Variants in TMEM178B observed in about 807,000 individuals in gnomAD.
TMEM178B encodes transmembrane protein 178B.
A neutral mutation model predicts 31.0 loss-of-function variants in TMEM178B; 5 were observed. The observed-to-expected ratio is 0.16, with a 90% CI of 0.08 to 0.34. TMEM178B has a LOEUF of 0.34. Ranked by LOEUF, TMEM178B falls within the 10% of genes least tolerant of loss-of-function variation. The probability of loss-of-function intolerance (pLI) is 1.00; values close to 1 mark genes in which losing one functional copy is unlikely to be tolerated. For synonymous variants in TMEM178B, 164 were observed against 164.0 expected (o/e 1.00, Z 0.00); for missense variants, 275 against 400.3 (o/e 0.69, Z 2.67).
At chr7:141,160,527 C>T (rs374469523) in intron 1 of TMEM178B, among the ~76,000 whole-genome samples, 77 of 152,178 alleles carry the variant, frequency 5.1e-4, no homozygotes, top group African/African-American at 1.8e-3. Flanking sequence ...GGATGGATCA[C>T]GTTGCTCTCT....
chr7:141,277,375 A>G (rs1179000292), intron 2 of TMEM178B, among the ~76,000 whole-genome samples: 1 of 152,052 alleles, frequency 6.6e-6, no homozygotes, highest in Non-Finnish European at 1.5e-5. Flanking sequence ...CTAGGCCTGC[A>G]TAGGGTTGGG....
Position 141,163,470 on chromosome 7 carries a change from G to A in TMEM178B, c.383-49121G>A, listed in dbSNP as rs370586339. On this transcript the variant is annotated intron_variant, in intron 1 of 3. Coordinates refer to ENST00000565468, the MANE Select transcript of TMEM178B (RefSeq NM_001195278.2). Reference sequence around the variant, plus strand: ...AGGGTGAAGAATTGGGATCATTAATGCAGTCTACCACAGATTGGTATTCTC... The same window carrying A: ...AGGGTGAAGAATTGGGATCATTAATACAGTCTACCACAGATTGGTATTCTC... 1.3e-4 allele frequency among the ~76,000 whole-genome samples: 20 copies of A among 152,166 alleles called. 2 individuals are homozygous for A. The highest frequency in any genetic ancestry group is 7.7e-4 in the East Asian group (4 of 5,182).
chr7:141,341,573 G>C (rs971574818), intron 2 of TMEM178B, among the ~76,000 whole-genome samples: 11 of 152,144 alleles, frequency 7.2e-5, no homozygotes, highest in Admixed American at 2.6e-4. Flanking sequence ...TCTAAACCAC[G>C]GACCGACCAT....
chr7:141,080,190 A>C (rs370963027), intron 1 of TMEM178B, among the ~76,000 whole-genome samples: 1 of 152,250 alleles, frequency 6.6e-6, no homozygotes, highest in Non-Finnish European at 1.5e-5. Context: ...GCTGTGGTAG[A>C]TGCTGAAATT....
chr7:141,203,191 C>G (rs956575376), intron 1 of TMEM178B, among the ~76,000 whole-genome samples: 1 of 152,196 alleles, frequency 6.6e-6, no homozygotes, highest in Non-Finnish European at 1.5e-5. Context: ...GGAGACGAAG[C>G]CTGAGCCTTA....
intron 1 of TMEM178B, among the ~76,000 whole-genome samples, chr7:141,204,901 G>A (rs1304950963): frequency 1.3e-5 from 2 of 152,130 alleles, no homozygotes; most frequent in African/African-American, 2.4e-5. Context: ...GCTCACTGAA[G>A]CCTCAAACTC....
chr7:141,253,114 C>T (rs1797861921), intron 2 of TMEM178B, among the ~76,000 whole-genome samples: 1 of 152,268 alleles, frequency 6.6e-6, no homozygotes. Flanking sequence ...GCCTCTCTTC[C>T]ACAGTTTTGG....
chr7:141,217,580 C>T (rs1797177805), intron 2 of TMEM178B, among the ~76,000 whole-genome samples: 1 of 151,800 alleles, frequency 6.6e-6, no homozygotes, highest in Non-Finnish European at 1.5e-5. Context: ...ATTAGCTTTA[C>T]TTCAGCCTGG....
At chr7:141,445,148 G>T (rs1291618129) in intron 3 of TMEM178B, among the ~76,000 whole-genome samples, 1 of 152,182 alleles carries the variant, frequency 6.6e-6, no homozygotes, top group African/African-American at 2.4e-5. Flanking sequence ...ATGTGTGAGT[G>T]ATTGCAGTGA....
At chr7:141,505,374 T>C in the TMEM178B span, among the ~76,000 whole-genome samples, 1 of 152,230 alleles carries the variant, frequency 6.6e-6, no homozygotes, top group Non-Finnish European at 1.5e-5. Flanking sequence ...TTATTTTAAT[T>C]GTAGGTCAGT....
At chr7:141,389,845 G>A (rs1159675104) in intron 2 of TMEM178B, among the ~76,000 whole-genome samples, 2 of 152,164 alleles carry the variant, frequency 1.3e-5, no homozygotes, top group Non-Finnish European at 2.9e-5. Flanking sequence ...TAGTGACCCC[G>A]GTCTTTCAGA....
intron 1 of TMEM178B, among the ~76,000 whole-genome samples, chr7:141,082,753 C>CA (rs1334984202): frequency 6.6e-6 from 1 of 152,214 alleles, no homozygotes; most frequent in Non-Finnish European, 1.5e-5. Context: ...AGGGAGCTTA[C>CA]ACTCCAGCTC....
rs1252246389 is a variant in TMEM178B at position 141,140,349 on chromosome 7, TTTAAA to T, written c.382+65661_382+65665del. Among the ~76,000 whole-genome samples, 29 of 152,344 alleles carry T rather than the reference TTTAAA, an allele frequency of 1.9e-4. 1 individual carries two copies. The highest frequency in any genetic ancestry group is 3.4e-3 in the Middle Eastern group (1 of 294). ...AGTGGGGCTTTCTTAGAACACCCTGTTTAAATTAGACTCCTCTCTCCATTTATATA... is the reference window on the plus strand; with the variant it reads ...AGTGGGGCTTTCTTAGAACACCCTGTTTAGACTCCTCTCTCCATTTATATA... On this transcript the variant is annotated intron_variant, in intron 1 of 3. Transcript: ENST00000565468.
At chr7:141,075,664 C>G (rs561644067) in intron 1 of TMEM178B, among the ~76,000 whole-genome samples, 1 of 152,294 alleles carries the variant, frequency 6.6e-6, no homozygotes, top group South Asian at 2.1e-4. Context: ...GTAGCTACAT[C>G]CTAGGAAGAT....
At chr7:141,127,954 C>A (rs1330099987) in intron 1 of TMEM178B, among the ~76,000 whole-genome samples, 1 of 152,180 alleles carries the variant, frequency 6.6e-6, no homozygotes, top group African/African-American at 2.4e-5. Flanking sequence ...CTTCTCTGAG[C>A]AGGCCCAACG....
At position 141,463,665 on chromosome 7, in the gene TMEM178B, G is replaced by A. The variant is rs79512470; in HGVS notation, c.635-6871G>A. On this transcript the variant is annotated intron_variant, in intron 3 of 3. Coordinates refer to ENST00000565468, the MANE Select transcript of TMEM178B (RefSeq NM_001195278.2). ...GGGACAGTCTGAGAGAATGACATTT[G>A]AACTGAGATCTGAGCAGAGCTGGAA... Among the ~76,000 whole-genome samples, 20 of 152,350 alleles carry A rather than the reference G, an allele frequency of 1.3e-4. No individual in the cohort carries two copies. In the East Asian group the frequency reaches 3.9e-3, roughly 29 times the overall value.
intron 2 of TMEM178B, among the ~76,000 whole-genome samples, chr7:141,380,229 A>G (rs1476594464): frequency 6.6e-6 from 1 of 152,180 alleles, no homozygotes; most frequent in African/African-American, 2.4e-5. Flanking sequence ...TATAGCTCTT[A>G]GTGAGGGACA....
At chr7:141,506,981 T>A in the TMEM178B span, among the ~76,000 whole-genome samples, 1 of 152,144 alleles carries the variant, frequency 6.6e-6, no homozygotes, top group African/African-American at 2.4e-5. Context: ...TCCAAAATGA[T>A]CTCCTTTGAC....
At position 141,195,153 on chromosome 7, in the gene TMEM178B, A is replaced by G. The variant is rs149446585; in HGVS notation, c.383-17438A>G. On this transcript the variant is annotated intron_variant, in intron 1 of 3. Coordinates refer to ENST00000565468, the MANE Select transcript of TMEM178B (RefSeq NM_001195278.2). ...TTTCCCCATGGTCTTGTGGATTAAC[A>G]TTAGGCTCTTTGCTGTTTATGCACA... 4.6e-3 allele frequency among the ~76,000 whole-genome samples: 694 copies of G among 152,332 alleles called. 3 individuals carry two copies. Among genetic ancestry groups the G allele is most frequent in the Middle Eastern group, 0.017 (5 of 294 alleles).
Sources: gnomAD v4.1 joint callset for allele counts (sites outside exome capture counted in the v4.1 genomes callset) on GRCh38, gnomAD v4.1.1 for gene constraint, MANE v1.5 for transcripts, NCBI Gene and HGNC (gene_info 2026-07-23, HGNC 2026-07-21) for gene names.